ADGRL2: variants seen among roughly 807,000 people sequenced by gnomAD.
ADGRL2 encodes the protein calcium-independent alpha-latrotoxin receptor 2.
In ADGRL2, 44 loss-of-function variants were observed where a neutral mutation model predicts 157.4. That is an observed-to-expected ratio of 0.28 (90% confidence interval 0.22 to 0.36). The LOEUF (loss-of-function observed/expected upper bound fraction) is 0.36, where lower values mean the gene tolerates loss of function less well. ADGRL2 is among the 10% of genes least tolerant of loss of function. The pLI is 1.00. For synonymous variants in ADGRL2, 585 were observed against 624.7 expected, an observed-to-expected ratio of 0.94 and a Z score of 0.95; for missense variants, 1,510 against 1,768.9, an observed-to-expected ratio of 0.85 and a Z score of 2.63.
At chr1:81,764,189 C>CAAAAAAAAAAA (rs34716755) in intron 2 of ADGRL2, among the ~76,000 whole-genome samples, 1 of 101,496 alleles carries the variant, frequency 9.9e-6, no homozygotes, top group Admixed American at 1.1e-4. Context: ...GAGACTCTGT[C>CAAAAAAAAAAA]AAAAAAAAAA....
intron 1 of ADGRL2, among the ~76,000 whole-genome samples, chr1:81,418,721 T>C (rs959608361): frequency 7.9e-5 from 12 of 152,160 alleles, no homozygotes; most frequent in Non-Finnish European, 1.5e-4. Context: ...GCCTCTGCAC[T>C]CCAGCCTGGA....
At chr1:81,940,289 G>A (rs748145162) in intron 4 of ADGRL2, among the ~76,000 whole-genome samples, 3 of 151,496 alleles carry the variant, frequency 2.0e-5, no homozygotes, top group Non-Finnish European at 4.4e-5. Context: ...TGTAGTTTGA[G>A]TAGTCACAAC....
intron 1 of ADGRL2, among the ~76,000 whole-genome samples, chr1:81,731,602 C>T (rs755508832): frequency 5.3e-5 from 8 of 151,990 alleles, no homozygotes; most frequent in Admixed American, 3.3e-4. Flanking sequence ...CAGTTACTTC[C>T]GTATTTCACA....
chr1:81,502,167 G>T, intron 2 of ADGRL2: 1 of 1,591,086 alleles, frequency 6.3e-7, no homozygotes. Flanking sequence ...AAAGTAGCTC[G>T]CCAAGATCCC....
chr1:81,794,208 A>G (rs1337874564), intron 2 of ADGRL2, among the ~76,000 whole-genome samples: 1 of 152,194 alleles, frequency 6.6e-6, no homozygotes, highest in Non-Finnish European at 1.5e-5. Context: ...AATTAAAAAT[A>G]TATAGTTTGA....
chr1:81,543,092 A>G, intron 2 of ADGRL2, among the ~76,000 whole-genome samples: 1 of 151,712 alleles, frequency 6.6e-6, no homozygotes, highest in Non-Finnish European at 1.5e-5. Context: ...TAAGTTATCT[A>G]GCATGTAGGA....
intron 1 of ADGRL2, among the ~76,000 whole-genome samples, chr1:81,713,752 C>T (rs763687995): frequency 1.3e-5 from 2 of 152,086 alleles, no homozygotes; most frequent in Non-Finnish European, 2.9e-5. Flanking sequence ...CAAGTTTATA[C>T]AGTAAGTAAA....
At chr1:81,461,113 T>G (rs1346279298) in intron 2 of ADGRL2, among the ~76,000 whole-genome samples, 1 of 152,154 alleles carries the variant, frequency 6.6e-6, no homozygotes, top group Admixed American at 6.5e-5. Flanking sequence ...GTCTTTTCCA[T>G]CTCTTCCTCT....
intron 2 of ADGRL2, among the ~76,000 whole-genome samples, chr1:81,870,728 G>A (rs2093669187): frequency 6.6e-6 from 1 of 151,868 alleles, no homozygotes; most frequent in South Asian, 2.1e-4. Flanking sequence ...AATTTTACCT[G>A]TATTTTATTC....
chr1:81,756,847 A>T (rs1437904559), intron 1 of ADGRL2, among the ~76,000 whole-genome samples: 2 of 152,182 alleles, frequency 1.3e-5, no homozygotes, highest in Non-Finnish European at 2.9e-5. Flanking sequence ...ATACTTGTTG[A>T]TTGAAGACAC....
rs764875953 is a variant in ADGRL2 at position 81,943,731 on chromosome 1, G to T, written c.1172G>T (p.Arg391Leu). The T allele has an allele frequency of 6.2e-7, 1 of 1,613,404 alleles. No homozygotes were observed. Among genetic ancestry groups the T allele is most frequent in the East Asian group, 2.2e-5 (1 of 44,850 alleles). ...LYVWNNNFIL[R>L]YSLEFGPPDP... ...GTGTGGAACAATAACTTCATTTTAC[G>T]ATATTCTCTGGAGTTTGGTCCACCT... Residue 391 changes from arginine (R) to leucine (L), a missense_variant, in exon 6 of 24, where the codon CGA (arginine) becomes CTA (leucine). By Grantham distance (102) the Arg-to-Leu change is moderately radical (BLOSUM62 -2). This residue lies in a region of ADGRL2 where 361 missense variants were observed against 498.4 expected (regional missense o/e 0.72). Coordinates refer to ENST00000686636, the MANE Select transcript of ADGRL2 (RefSeq NM_001366006.2). The surrounding 1 kb of genome is among the most constrained non-coding windows in gnomAD (Gnocchi z 5.6).
intron 2 of ADGRL2, among the ~76,000 whole-genome samples, chr1:81,541,672 G>C (rs1456234910): frequency 6.6e-6 from 1 of 152,012 alleles, no homozygotes; most frequent in Non-Finnish European, 1.5e-5. Context: ...TTTTCCGGCT[G>C]GGCACGGTTG....
chr1:81,551,125 T>C (rs1417955469), intron 2 of ADGRL2, among the ~76,000 whole-genome samples: 2 of 152,172 alleles, frequency 1.3e-5, no homozygotes, highest in African/African-American at 2.4e-5. Flanking sequence ...TCAGAAATAA[T>C]ACATGTAAGT....
intron 1 of ADGRL2, among the ~76,000 whole-genome samples, chr1:81,337,380 C>G (rs1661727556): frequency 6.6e-6 from 1 of 152,130 alleles, no homozygotes; most frequent in African/African-American, 2.4e-5. Flanking sequence ...GGCACAGAGT[C>G]CTGCTCCTGC....
At chr1:81,734,832 A>G (rs12134001) in intron 1 of ADGRL2, among the ~76,000 whole-genome samples, 27,779 of 146,764 alleles carry the variant, frequency 0.19, 3,963 homozygotes, top group South Asian at 0.25. Context: ...TCGGGAGTTC[A>G]AGACCAGACT....
intron 1 of ADGRL2, among the ~76,000 whole-genome samples, chr1:81,801,786 C>T (rs1471439920): frequency 1.3e-5 from 2 of 152,294 alleles, no homozygotes; most frequent in African/African-American, 4.8e-5. Flanking sequence ...CCCCCGGCGC[C>T]CTCCCGCCCG....
chr1:81,803,537 C>T (rs2088638862), intron 1 of ADGRL2, among the ~76,000 whole-genome samples: 1 of 151,998 alleles, frequency 6.6e-6, no homozygotes, highest in Non-Finnish European at 1.5e-5. Context: ...GGGACTCCTC[C>T]TCCTCATCTT....
At position 81,339,495 on chromosome 1, in the gene ADGRL2, CCACAGTGCCTAGCAAATAAATA is replaced by C. The variant is rs138438571; in HGVS notation, c.-302+32989_-302+33010del. 6.1e-3 allele frequency among the ~76,000 whole-genome samples: 934 copies of C among 152,326 alleles called. 11 individuals carry two copies. Among genetic ancestry groups the C allele is most frequent in the African/African-American group, 0.021 (891 of 41,584 alleles). ...TTTTATTTTGTATTCCCAGTTCCTA[CCACAGTGCCTAGCAAATAAATA>C]CAGCATAAAATCTTAACTTCTGTTA... On this transcript the variant is annotated intron_variant, in intron 1 of 24. Coordinates refer to the ADGRL2 transcript ENST00000370721.
At chr1:81,906,547 A>G (rs1449875785) in intron 2 of ADGRL2, among the ~76,000 whole-genome samples, 1 of 152,032 alleles carries the variant, frequency 6.6e-6, no homozygotes, top group Non-Finnish European at 1.5e-5. Flanking sequence ...TGGGGAAAAA[A>G]CTGCTAAGAT....
Sources: gnomAD v4.1 joint callset for allele counts (sites outside exome capture counted in the v4.1 genomes callset) on GRCh38, gnomAD v4.1.1 for gene constraint, gnomAD v4.1.1 regional missense constraint, Gnocchi (gnomAD v3.1) non-coding constraint, MANE v1.5 for transcripts, NCBI Gene and HGNC (gene_info 2026-07-23, HGNC 2026-07-21) for gene names.